NLGN1: variants seen among roughly 807,000 people sequenced by gnomAD.
NLGN1 encodes neuroligin-1.
Under a neutral mutation model 65.5 loss-of-function variants are expected in NLGN1, and 12 were observed. The ratio of observed to expected loss-of-function variants is 0.18; its 90% CI spans 0.12 to 0.30. NLGN1 has a LOEUF of 0.30. NLGN1 is among the 10% of genes least tolerant of loss of function. NLGN1 has a pLI of 1.00. For missense variants in NLGN1, 750 were observed against 1,007.1 expected (o/e 0.74, Z 3.46); for synonymous variants, 350 against 359.5 (o/e 0.97, Z 0.30).
chr3:173,830,010 G>GTT (rs76306125), intron 4 of NLGN1, among the ~76,000 whole-genome samples: 4,437 of 139,066 alleles, frequency 0.032, 184 homozygotes, highest in East Asian at 0.15. Context: ...GGTAGTGTGG[G>GTT]GGGGGGAGGG....
chr3:173,912,714 C>T (rs981425093), intron 4 of NLGN1: 5 of 152,020 alleles, frequency 3.3e-5, no homozygotes, highest in South Asian at 2.1e-4. Context: ...GATGAAAAAA[C>T]GTGACTATGG....
chr3:173,637,248 T>A (rs137959898), intron 3 of NLGN1, among the ~76,000 whole-genome samples: 146 of 152,208 alleles, frequency 9.6e-4, no homozygotes, highest in Middle Eastern at 3.4e-3. Context: ...TAGAAGGCAG[T>A]TTATCATAAA....
chr3:174,138,804 T>C (rs1013360519), intron 4 of NLGN1, among the ~76,000 whole-genome samples: 7 of 152,114 alleles, frequency 4.6e-5, no homozygotes, highest in African/African-American at 1.4e-4. Context: ...AGATATTGAG[T>C]ATATTGCTTT....
At chr3:173,749,357 T>G (rs942995093) in intron 3 of NLGN1, among the ~76,000 whole-genome samples, 3 of 152,052 alleles carry the variant, frequency 2.0e-5, no homozygotes, top group African/African-American at 7.2e-5. Flanking sequence ...CAGATCAGTT[T>G]GTCTTTCTAG....
At chr3:173,475,960 A>C (rs2148946737) in intron 2 of NLGN1, among the ~76,000 whole-genome samples, 1 of 152,338 alleles carries the variant, frequency 6.6e-6, no homozygotes, top group Non-Finnish European at 1.5e-5. Context: ...GGAAGGAAGC[A>C]AGTCATTTTC....
chr3:174,021,117 C>T (rs1255083881), intron 4 of NLGN1, among the ~76,000 whole-genome samples: 1 of 151,740 alleles, frequency 6.6e-6, no homozygotes, highest in East Asian at 1.9e-4. Context: ...TTCTGGCAAA[C>T]TAATGGTTGA....
chr3:173,639,717 A>G (rs867216952), intron 3 of NLGN1, among the ~76,000 whole-genome samples: 2 of 152,202 alleles, frequency 1.3e-5, no homozygotes, highest in South Asian at 2.1e-4. Context: ...ATGCTGGAAT[A>G]TGGGGCTTAA....
intron 2 of NLGN1, among the ~76,000 whole-genome samples, chr3:173,463,440 G>A (rs1723735741): frequency 6.6e-6 from 1 of 152,046 alleles, no homozygotes; most frequent in South Asian, 2.1e-4. Flanking sequence ...TGACCTTGTG[G>A]TACATTCAGT....
chr3:173,500,215 A>C (rs1730822575), intron 2 of NLGN1, among the ~76,000 whole-genome samples: 1 of 152,120 alleles, frequency 6.6e-6, no homozygotes, highest in Non-Finnish European at 1.5e-5. Flanking sequence ...TATTATTTTG[A>C]GATACATCCC....
chr3:173,565,425 A>G (rs1466714770), intron 2 of NLGN1, among the ~76,000 whole-genome samples: 1 of 152,162 alleles, frequency 6.6e-6, no homozygotes, highest in Non-Finnish European at 1.5e-5. Context: ...ATCTTACTAA[A>G]TCCCAAGACC....
At chr3:174,056,530 T>A (rs1458674055) in intron 4 of NLGN1, among the ~76,000 whole-genome samples, 1 of 152,028 alleles carries the variant, frequency 6.6e-6, no homozygotes, top group Non-Finnish European at 1.5e-5. Flanking sequence ...TTTGAATCTC[T>A]CACTGGAGCA....
intron 4 of NLGN1, among the ~76,000 whole-genome samples, chr3:174,212,255 G>A (rs1168897527): frequency 6.6e-6 from 1 of 152,222 alleles, no homozygotes; most frequent in African/African-American, 2.4e-5. Flanking sequence ...AGGGCTGGCC[G>A]GCTGCTCTGA....
intron 2 of NLGN1, among the ~76,000 whole-genome samples, chr3:173,591,156 A>T (rs1748409740): frequency 6.6e-6 from 1 of 152,162 alleles, no homozygotes; most frequent in African/African-American, 2.4e-5. Flanking sequence ...TGGTGACTTT[A>T]TTTGGCAACC....
At chr3:173,987,693 G>A (rs1420599459) in intron 4 of NLGN1, among the ~76,000 whole-genome samples, 1 of 152,100 alleles carries the variant, frequency 6.6e-6, no homozygotes, top group African/African-American at 2.4e-5. Flanking sequence ...GTACCCTTCT[G>A]AAACTGTGCA....
At chr3:173,443,332 TAC>T (rs1173117620) in intron 2 of NLGN1, among the ~76,000 whole-genome samples, 1 of 142,968 alleles carries the variant, frequency 7.0e-6, no homozygotes, top group Non-Finnish European at 1.5e-5. Context: ...TATATATATA[TAC>T]ACTATGACTA....
intron 4 of NLGN1, among the ~76,000 whole-genome samples, chr3:174,171,656 T>C (rs1728554168): frequency 6.6e-6 from 1 of 152,200 alleles, no homozygotes; most frequent in African/African-American, 2.4e-5. Flanking sequence ...TACAGAGTTG[T>C]CATAATACCA....
intron 4 of NLGN1, among the ~76,000 whole-genome samples, chr3:174,274,555 CTACTCATTTTCA>C (rs1307881200): frequency 3.3e-5 from 5 of 151,620 alleles, no homozygotes; most frequent in African/African-American, 4.8e-5. Flanking sequence ...CCTCATTTTC[CTACTCATTTTCA>C]GATTTACTAC....
chr3:173,845,135 C>T (rs1725485666), intron 4 of NLGN1, among the ~76,000 whole-genome samples: 1 of 152,180 alleles, frequency 6.6e-6, no homozygotes, highest in Admixed American at 6.5e-5. Context: ...TTCTGTGTTA[C>T]CACCATTCCT....
intron 4 of NLGN1, among the ~76,000 whole-genome samples, chr3:173,893,213 A>G (rs139663857): frequency 2.6e-5 from 4 of 152,208 alleles, no homozygotes; most frequent in African/African-American, 9.6e-5. Context: ...ACACTCATCC[A>G]TCTAGTCACC....
Sources: allele counts gnomAD v4.1 joint callset (sites outside exome capture counted in the v4.1 genomes callset), GRCh38; gene constraint gnomAD v4.1.1; transcripts MANE v1.5; gene names NCBI Gene and HGNC (gene_info 2026-07-23, HGNC 2026-07-21).